NAGA: variants seen among roughly 807,000 people sequenced by gnomAD.
NAGA encodes the protein alpha-N-acetylgalactosaminidase, also known as Acetylgalactosaminidase, alpha-N- (alpha-galactosidase B).
NAGA carries 42 observed loss-of-function variants against 45.6 expected under a neutral mutation model. The ratio of observed to expected loss-of-function variants is 0.92; its 90% CI spans 0.72 to 1.19. The LOEUF is 1.19. NAGA is among the 50% of genes most tolerant of loss of function. The probability of loss-of-function intolerance (pLI) is 0.00; values close to 1 mark genes in which losing one functional copy is unlikely to be tolerated. For synonymous variants in NAGA, 176 were observed against 203.1 expected, an observed-to-expected ratio of 0.87 and a Z score of 1.13; for missense variants, 493 against 544.8, an observed-to-expected ratio of 0.90 and a Z score of 0.95.
intron 2 of NAGA, 91 bp downstream of exon 2, chr22:42,068,348 T>C (rs1257463082): frequency 6.3e-7 from 1 of 1,596,352 alleles, no homozygotes; most frequent in African/African-American, 1.3e-5. Flanking sequence ...ACTCTGACCT[T>C]GCCCTCTTTT....
Position 42,062,809 on chromosome 22 carries a change from C to T in NAGA, c.957+18G>A, listed in dbSNP as rs769773122. Reference sequence around the variant, plus strand: ...CAGTTCCTCAGCCCTCCCCTTCCTTCCCTCCACACCCTAGTACCTTGTGAA... The same window carrying T: ...CAGTTCCTCAGCCCTCCCCTTCCTTTCCTCCACACCCTAGTACCTTGTGAA... On this transcript the variant is annotated intron_variant, in intron 7 of 8. Coordinates refer to ENST00000396398, the MANE Select transcript of NAGA (RefSeq NM_000262.3). 6.2e-7 allele frequency: 1 copy of T among 1,612,788 alleles called. No individual in the cohort carries two copies.
chr22:42,068,072 G>T, intron 2 of NAGA, 136 bp from the exon 3 acceptor site: 1 of 874,150 alleles, frequency 1.1e-6, no homozygotes, highest in South Asian at 1.4e-5. Context: ...CAGTGTAAAT[G>T]ACCACCAGAG....
intron 1 of NAGA, among the ~76,000 whole-genome samples, chr22:42,069,978 G>A (rs1191761084): frequency 2.0e-5 from 3 of 152,148 alleles, no homozygotes; most frequent in Non-Finnish European, 2.9e-5. Flanking sequence ...TTTCCCCCTC[G>A]GGCCTCAGTT....
chr22:42,066,846 G>A (rs776904094), intron 4 of NAGA, 42 bp from the exon 5 acceptor site: 1 of 1,570,528 alleles, frequency 6.4e-7, no homozygotes, highest in Non-Finnish European at 8.7e-7. Context: ...GGAAGTGCAG[G>A]AGGCAGTCTG....
At position 42,066,176 on chromosome 22, in the gene NAGA, C is replaced by T. The variant is rs8140602; in HGVS notation, c.598-277G>A. 0.072 allele frequency among the ~76,000 whole-genome samples: 10,921 copies of T among 152,222 alleles called. 1,343 individuals are homozygous for T. Among genetic ancestry groups the T allele is most frequent in the African/African-American group, 0.25 (10,338 of 41,496 alleles). On this transcript the variant is annotated intron_variant, in intron 5 of 8. Transcript: ENST00000396398. The stretch of plus-strand genomic sequence containing the variant: ...CCCAGGGTGTGGGCCCAGGCTGGTG[C>T]ACCCACAAACAACCCTCCCTGACAC...
intron 1 of NAGA, among the ~76,000 whole-genome samples, chr22:42,069,727 A>G (rs1038043936): frequency 6.6e-6 from 1 of 152,120 alleles, no homozygotes; most frequent in South Asian, 2.1e-4. Context: ...ATTTCATGCA[A>G]TTTACTGAAT....
At chr22:42,060,478 A>G (rs1602490081) in intron 8 of NAGA, 65 bp from the exon 9 acceptor site, 2 of 1,603,078 alleles carry the variant, frequency 1.2e-6, no homozygotes, top group African/African-American at 2.7e-5. Context: ...CCCCCCCGCT[A>G]GAGGATGTAG....
chr22:42,067,657 C>T, intron 3 of NAGA, 108 bp downstream of exon 3: 3 of 967,296 alleles, frequency 3.1e-6, no homozygotes, highest in South Asian at 1.5e-5. Flanking sequence ...TTGTCTGTTT[C>T]CCCCACTAGA....
Position 42,067,014 on chromosome 22 carries a change from G to A in NAGA, c.502+99C>T, listed in dbSNP as rs1926773806. 10 of 1,541,998 alleles carry A rather than the reference G, an allele frequency of 6.5e-6. No individual in the cohort carries two copies. In the South Asian group the frequency reaches 1.1e-4, roughly 17 times the overall value. Reference sequence around the variant, plus strand: ...GAGCCACAATCCCCCTAACCCCTGGGTAGGGGGAATTGGGAAGCTCAGCCA... The same window carrying A: ...GAGCCACAATCCCCCTAACCCCTGGATAGGGGGAATTGGGAAGCTCAGCCA... On this transcript the variant is annotated intron_variant, in intron 4 of 8. Transcript: ENST00000396398.
rs1275418327 is a variant in NAGA at position 42,060,231 on chromosome 22, G to T, written c.*48C>A. The T allele has an allele frequency of 6.2e-7, 1 of 1,609,724 alleles. No homozygotes were observed. ...TGCCCTGGGCATGCCAAGGCTCCATGGTCTAGGCTCAGTGGTGCCACCACA... is the reference window on the plus strand; with the variant it reads ...TGCCCTGGGCATGCCAAGGCTCCATTGTCTAGGCTCAGTGGTGCCACCACA... On this transcript the variant is annotated 3_prime_UTR_variant, in exon 9 of 9. Coordinates refer to ENST00000396398, the MANE Select transcript of NAGA (RefSeq NM_000262.3).
Position 42,066,740 on chromosome 22 carries a change from C to A in NAGA, c.567G>T (p.Trp189Cys). Residue 189 changes from tryptophan (W) to cysteine (C), a missense_variant, in exon 5 of 9, where the codon TGG becomes TGT. Trp to Cys is a radical substitution (Grantham distance 215). Transcript: ENST00000396398. Reference protein sequence around the residue: ...TGRPIAFSCSWPAYEGGLPPR... With the variant: ...TGRPIAFSCSCPAYEGGLPPR... ...GGGGGAGGCCGCCTTCATAGGCTGG[C>A]CAGCTGCAGGAGAAGGCGATGGGGC... The A allele has an allele frequency of 6.2e-7, 1 of 1,605,264 alleles. No homozygotes were observed. Among genetic ancestry groups the A allele is most frequent in the Non-Finnish European group, 8.5e-7 (1 of 1,176,368 alleles).
chr22:42,062,822 A>T lies in NAGA; in HGVS notation c.957+5T>A. On this transcript the variant is annotated splice_donor_5th_base_variant and intron_variant, in intron 7 of 8. Coordinates refer to ENST00000396398, the MANE Select transcript of NAGA (RefSeq NM_000262.3). ...CTCCCCTTCCTTCCCTCCACACCCTAGTACCTTGTGAATCCTGCGTCCCTG... is the reference window on the plus strand; with the variant it reads ...CTCCCCTTCCTTCCCTCCACACCCTTGTACCTTGTGAATCCTGCGTCCCTG... 1.2e-6 allele frequency: 2 copies of T among 1,613,296 alleles called. No individual in the cohort carries two copies. The highest frequency in any genetic ancestry group is 1.7e-6 in the Non-Finnish European group (2 of 1,179,266).
At position 42,070,305 on chromosome 22, in the gene NAGA, G is replaced by A. The variant is rs1926978556; in HGVS notation, c.-8C>T. ...ACCTGTCTTCAGCAGCATCGCTCTG[G>A]ACTCAGCTTCCGAGGACCTGACCAG... On this transcript the variant is annotated 5_prime_UTR_variant, in exon 1 of 9. Transcript: ENST00000396398. The A allele has an allele frequency of 6.2e-7, 1 of 1,614,198 alleles. No individual in the cohort carries two copies. Among genetic ancestry groups the A allele is most frequent in the Non-Finnish European group, 8.5e-7 (1 of 1,180,028 alleles).
intron 2 of NAGA, 84 bp from the exon 3 acceptor site, chr22:42,068,020 G>A: frequency 1.5e-6 from 2 of 1,336,540 alleles, no homozygotes; most frequent in Non-Finnish European, 2.1e-6. Context: ...ATTGAATCTG[G>A]GCTATAAAAA....
chr22:42,060,232 G>C lies in NAGA; in HGVS notation c.*47C>G, dbSNP rs374835230. 4.3e-6 allele frequency: 7 copies of C among 1,610,028 alleles called. No homozygotes were observed. The African/African-American group carries it at 5.3e-5, about 12-fold the overall frequency. On this transcript the variant is annotated 3_prime_UTR_variant, in exon 9 of 9. Transcript: ENST00000396398. ...GCCCTGGGCATGCCAAGGCTCCATG[G>C]TCTAGGCTCAGTGGTGCCACCACAG...
chr22:42,062,913 C>T lies in NAGA; in HGVS notation c.871G>A (p.Ala291Thr), dbSNP rs372146176. 6.4e-5 allele frequency: 103 copies of T among 1,614,144 alleles called. 1 individual carries two copies. The highest frequency in any genetic ancestry group is 2.9e-4 in the East Asian group (13 of 44,884). ...LMSTDLRTISAQNMDILQNPL... is the reference protein window; with the variant it reads ...LMSTDLRTISTQNMDILQNPL... ...TTCTGCAGAATGTCCATGTTCTGGG[C>T]GGAGATGGTACGCAGGTCTGTGGAC... The change falls in exon 7 of 9, where the codon GCC (alanine) becomes ACC (threonine). Residue 291 changes from alanine (A) to threonine (T), a missense_variant. Coordinates refer to ENST00000396398, the MANE Select transcript of NAGA (RefSeq NM_000262.3).
chr22:42,068,022 C>T, intron 2 of NAGA, 86 bp from the exon 3 acceptor site: 1 of 1,307,044 alleles, frequency 7.7e-7, no homozygotes, highest in Non-Finnish European at 1.1e-6. Context: ...TGAATCTGGG[C>T]TATAAAAACC....
At chr22:42,060,791 T>A in intron 8 of NAGA, 133 bp downstream of exon 8, 2 of 1,273,824 alleles carry the variant, frequency 1.6e-6, no homozygotes, top group South Asian at 2.4e-5. Context: ...TGCCTGCAGC[T>A]CCCCATGGGC....
rs775474987 is a variant in NAGA at position 42,062,849 on chromosome 22, A to T, written c.935T>A (p.Ile312Asn). 8 of 1,614,090 alleles carry T rather than the reference A, an allele frequency of 5.0e-6. No individual in the cohort carries two copies. The Admixed American group carries it at 5.0e-5, about 10-fold the overall frequency. Residue 312 changes from isoleucine to asparagine, a missense_variant, in exon 7 of 9, where the codon ATC (isoleucine) becomes AAC (asparagine). Transcript: ENST00000396398. ...MIKINQDPLG[I>N]QGRRIHKEKS... Reference sequence around the variant, plus strand: ...TACCTTGTGAATCCTGCGTCCCTGGATGCCTAAGGGATCCTGGTTGATTTT... The same window carrying T: ...TACCTTGTGAATCCTGCGTCCCTGGTTGCCTAAGGGATCCTGGTTGATTTT...
Sources: allele counts gnomAD v4.1 joint callset (sites outside exome capture counted in the v4.1 genomes callset), GRCh38; gene constraint gnomAD v4.1.1; transcripts MANE v1.5; gene names NCBI Gene and HGNC (gene_info 2026-07-23, HGNC 2026-07-21).